The following BCL11A variants were observed in gnomAD, a reference collection of about 807,000 sequenced individuals.
BCL11A encodes B cell CLL/lymphoma 11A.
Under a neutral mutation model 55.9 loss-of-function variants are expected in BCL11A, and 2 were observed. The ratio of observed to expected loss-of-function variants is 0.04; its 90% CI spans 0.01 to 0.11. The LOEUF is 0.11. Among genes scored for constraint, BCL11A ranks in the 10% least tolerant of loss-of-function variants. The pLI is 1.00. For synonymous variants in BCL11A, 465 were observed against 473.4 expected (o/e 0.98, Z 0.23); for missense variants, 817 against 1,137.1 (o/e 0.72, Z 4.05).
In BCL11A at chr2:60,546,420, A is replaced by G. The variant is rs185501618; in HGVS notation, c.56-120T>C. ...ATGTAAAGTGTTTCTAGGCTTCTCT[A>G]TATAATACCCAGAAAATGTGAGCAT... On this transcript the variant is annotated intron_variant, in intron 1 of 3. Coordinates refer to ENST00000642384, the MANE Select transcript of BCL11A (RefSeq NM_022893.4). The surrounding 1 kb of genome is among the most constrained non-coding windows in gnomAD (Gnocchi z 4.1). 1.8e-5 allele frequency: 15 copies of G among 827,230 alleles called. No individual in the cohort carries two copies. Among genetic ancestry groups the G allele is most frequent in the East Asian group, 7.9e-5 (3 of 37,816 alleles). The allele number at this position is 827,230 out of a possible 1,614,324, so 51.2% of individuals were successfully genotyped here.
chr2:60,467,138 T>TGGTGGTGATGGTGG (rs1676687968), intron 3 of BCL11A, among the ~76,000 whole-genome samples: 3 of 61,756 alleles, frequency 4.9e-5, no homozygotes, highest in Admixed American at 1.7e-4. Context: ...GATGGTGGTG[T>TGGTGGTGATGGTGG]TGGTGGTGAT....
At chr2:60,553,146 G>A in intron 1 of BCL11A, 70 bp downstream of exon 1, 2 of 1,491,376 alleles carry the variant, frequency 1.3e-6, no homozygotes, top group Non-Finnish European at 9.0e-7. Flanking sequence ...TCTCCCCCTC[G>A]CTTTTGCTTC....
At chr2:60,537,096 T>G (rs1669701375) in intron 2 of BCL11A, 1 of 152,252 alleles carries the variant, frequency 6.6e-6, no homozygotes, top group Non-Finnish European at 1.5e-5. Context: ...AATGTTTTAG[T>G]TAAAAGGACA....
intron 2 of BCL11A, among the ~76,000 whole-genome samples, chr2:60,489,871 G>C (rs976271427): frequency 7.2e-5 from 11 of 152,280 alleles, no homozygotes; most frequent in Admixed American, 7.2e-4. Context: ...TATGAATTTT[G>C]ATGCCTGCCT....
intron 2 of BCL11A, among the ~76,000 whole-genome samples, chr2:60,497,043 C>G (rs45521045): frequency 6.7e-4 from 102 of 152,362 alleles, no homozygotes; most frequent in African/African-American, 1.6e-3. Context: ...AGCAAGATCT[C>G]TACTCCTCCC....
chr2:60,496,159 A>C (rs145270113), intron 2 of BCL11A, among the ~76,000 whole-genome samples: 181 of 152,354 alleles, frequency 1.2e-3, no homozygotes, highest in African/African-American at 4.2e-3. Flanking sequence ...ATTGTTCATG[A>C]AATCCCAGAA....
chr2:60,541,882 T>C, intron 2 of BCL11A: 1 of 702,184 alleles, frequency 1.4e-6, no homozygotes, highest in South Asian at 1.6e-5. Context: ...TCATTTACAA[T>C]TACACCATAA....
chr2:60,513,266 C>T lies in BCL11A; in HGVS notation c.385+32705G>A, dbSNP rs764720943. ...ATCATGCCCCGGACTCCAGTCTCTG[C>T]AGCTGACACGGCTCCAAGATGCTAA... On this transcript the variant is annotated intron_variant, in intron 2 of 3. Transcript: ENST00000642384. Among the ~76,000 whole-genome samples, 5 of 152,170 alleles carry T rather than the reference C, an allele frequency of 3.3e-5. No homozygotes were observed. The East Asian group carries it at 9.6e-4, about 29-fold the overall frequency.
Position 60,461,798 on chromosome 2 carries a change from G to A in BCL11A, c.1114C>T (p.Pro372Ser), listed in dbSNP as rs1294372699. 3 of 1,613,734 alleles carry A rather than the reference G, an allele frequency of 1.9e-6. No homozygotes were observed. The highest frequency in any genetic ancestry group is 1.3e-5 in the African/African-American group (1 of 75,038). The change falls in exon 4 of 4, where the codon CCC (proline) becomes TCC (serine). Residue 372 changes from proline (P) to serine (S), a missense_variant. Pro to Ser is a moderately conservative substitution (Grantham distance 74). Transcript: ENST00000642384. Reference protein sequence around the residue: ...PLQSAPPPSQPPVKSKSCEFC... With the variant: ...PLQSAPPPSQSPVKSKSCEFC... ...TCGCATGACTTGGACTTGACCGGGG[G>A]CTGGGAGGGAGGAGGGGCGGATTGC...
At chr2:60,536,714 T>C (rs150658287) in intron 2 of BCL11A, 2 of 152,308 alleles carry the variant, frequency 1.3e-5, no homozygotes, top group African/African-American at 4.8e-5. Context: ...CGCAATCACA[T>C]CAGAAAGTAA....
At chr2:60,485,028 C>T (rs922497261) in intron 2 of BCL11A, among the ~76,000 whole-genome samples, 1 of 147,922 alleles carries the variant, frequency 6.8e-6, no homozygotes, top group African/African-American at 2.5e-5. Flanking sequence ...ATAGGAAATA[C>T]AAAAAACAAT....
At chr2:60,506,733 T>C (rs1028059839) in intron 2 of BCL11A, among the ~76,000 whole-genome samples, 2 of 152,246 alleles carry the variant, frequency 1.3e-5, no homozygotes, top group South Asian at 2.1e-4. Flanking sequence ...AAACGCCTGA[T>C]ATATATCCAT....
At position 60,462,324 on chromosome 2, in the gene BCL11A, T is replaced by C; in HGVS notation, c.588A>G (p.Arg196=). ...TTCCGTGTTCGCTTTCTAAGTAGAT[T>C]CTTAATCCATGAGTGTTCTGTGCGT... ...LQHAQNTHGL[R]IYLESEHGSP... The change falls in exon 4 of 4, where the codon AGA becomes AGG. Residue 196 remains arginine, a synonymous_variant. Coordinates refer to ENST00000642384, the MANE Select transcript of BCL11A (RefSeq NM_022893.4). The C allele has an allele frequency of 6.2e-7, 1 of 1,614,154 alleles. No individual in the cohort carries two copies. The highest frequency in any genetic ancestry group is 8.5e-7 in the Non-Finnish European group (1 of 1,180,018).
chr2:60,497,425 G>A (rs1162458304), intron 2 of BCL11A, among the ~76,000 whole-genome samples: 1 of 152,146 alleles, frequency 6.6e-6, no homozygotes, highest in Non-Finnish European at 1.5e-5. Context: ...CTAGCCCTCA[G>A]GTTAGCAGGC....
chr2:60,513,793 G>A (rs954611940), intron 2 of BCL11A, among the ~76,000 whole-genome samples: 3 of 152,208 alleles, frequency 2.0e-5, no homozygotes, highest in South Asian at 4.1e-4. Context: ...CAGCACCTAC[G>A]AAGGGTCCTA....
intron 2 of BCL11A, among the ~76,000 whole-genome samples, chr2:60,469,605 C>A (rs930763947): frequency 6.6e-6 from 1 of 152,200 alleles, no homozygotes; most frequent in African/African-American, 2.4e-5. Flanking sequence ...CCATCTTCAC[C>A]ATTTTACTGC....
intron 2 of BCL11A, among the ~76,000 whole-genome samples, chr2:60,475,486 AT>A (rs1488194047): frequency 6.6e-6 from 1 of 152,250 alleles, no homozygotes; most frequent in African/African-American, 2.4e-5. Flanking sequence ...CCTGGCTTAA[AT>A]AATCTATTTC....
chr2:60,467,906 ATGGTGGTGG>A (rs754981583), intron 3 of BCL11A, among the ~76,000 whole-genome samples: 1 of 8,486 alleles, frequency 1.2e-4, no homozygotes, highest in Non-Finnish European at 2.8e-4. Context: ...GGTGGTGGTA[ATGGTGGTGG>A]TGGTGGTGGT....
chr2:60,516,119 T>G (rs886503894), intron 2 of BCL11A, among the ~76,000 whole-genome samples: 1 of 152,228 alleles, frequency 6.6e-6, no homozygotes, highest in Non-Finnish European at 1.5e-5. Context: ...TGATGACTCA[T>G]GCCAGCTTTG....
Sources: allele counts gnomAD v4.1 joint callset (sites outside exome capture counted in the v4.1 genomes callset), GRCh38; gene constraint gnomAD v4.1.1; non-coding constraint Gnocchi (gnomAD v3.1); transcripts MANE v1.5; gene names NCBI Gene and HGNC (gene_info 2026-07-23, HGNC 2026-07-21).